DIAPH2: variants seen among roughly 807,000 people sequenced by gnomAD.
DIAPH2 encodes protein diaphanous homolog 2.
Under a neutral mutation model 92.7 loss-of-function variants are expected in DIAPH2, and 35 were observed. That is an observed-to-expected ratio of 0.38 (90% CI 0.29 to 0.50). The LOEUF (loss-of-function observed/expected upper bound fraction) is 0.50, where lower values mean the gene tolerates loss of function less well. DIAPH2 is among the 20% of genes least tolerant of loss of function. The pLI, the probability that DIAPH2 is intolerant of heterozygous loss-of-function variation, is 0.94. For missense variants in DIAPH2, 701 were observed against 819.5 expected, an observed-to-expected ratio of 0.86 and a Z score of 1.77; for synonymous variants, 301 against 280.4, an observed-to-expected ratio of 1.07 and a Z score of -0.73.
At chrX:97,038,039 C>A (rs928549063) in intron 17 of DIAPH2, among the ~76,000 whole-genome samples, 1 of 111,043 alleles carries the variant, frequency 9.0e-6, no homozygotes, top group Admixed American at 9.6e-5. Context: ...TCTCCAGTGT[C>A]GATTATCCCA....
chrX:97,130,604 G>A (rs1432755997), intron 21 of DIAPH2, among the ~76,000 whole-genome samples: 1 of 111,777 alleles, frequency 8.9e-6, no homozygotes, highest in Non-Finnish European at 1.9e-5. Flanking sequence ...TGGGGGATAA[G>A]GCAGATGGGG....
At chrX:97,032,964 G>C (rs1316602707) in intron 17 of DIAPH2, among the ~76,000 whole-genome samples, 1 of 110,916 alleles carries the variant, frequency 9.0e-6, no homozygotes, top group Non-Finnish European at 1.9e-5. Flanking sequence ...CTACTCAAAG[G>C]ACTATAATTC....
At chrX:97,239,169 A>AT (rs1440783560) in intron 22 of DIAPH2, among the ~76,000 whole-genome samples, 3 of 111,528 alleles carry the variant, frequency 2.7e-5, no homozygotes, top group East Asian at 5.6e-4. Context: ...GAATACTGTG[A>AT]TTTTTTTTCT....
chrX:97,582,373 C>CA (rs2071446317), intron 26 of DIAPH2, among the ~76,000 whole-genome samples: 1 of 79,273 alleles, frequency 1.3e-5, no homozygotes, highest in South Asian at 8.3e-4. Flanking sequence ...CTGGTGGTGA[C>CA]AAAATCTCTC....
At chrX:97,353,991 T>G (rs2069242080) in intron 24 of DIAPH2, among the ~76,000 whole-genome samples, 2 of 110,757 alleles carry the variant, frequency 1.8e-5, no homozygotes, top group Admixed American at 1.9e-4. Flanking sequence ...AATTTTTAAT[T>G]TTTAATAGAG....
In DIAPH2 at chrX:97,559,662, G is replaced by A. The variant is rs1369080882; in HGVS notation, c.3242-39591G>A. Reference sequence around the variant, plus strand: ...GTTCACTTTTCGTTTCTACGTACACGGTAGACATGGTAAATATCTGTTGAA... The same window carrying A: ...GTTCACTTTTCGTTTCTACGTACACAGTAGACATGGTAAATATCTGTTGAA... On this transcript the variant is annotated intron_variant, in intron 26 of 26. Transcript: ENST00000324765. Among the ~76,000 whole-genome samples, 7 of 111,593 alleles carry A rather than the reference G, an allele frequency of 6.3e-5. No homozygotes were observed. In the East Asian group the frequency reaches 2.0e-3, roughly 31 times the overall value.
intron 23 of DIAPH2, among the ~76,000 whole-genome samples, chrX:97,275,708 T>G (rs753806359): frequency 1.0e-5 from 1 of 96,629 alleles, no homozygotes; most frequent in African/African-American, 4.1e-5. Context: ...ACTCCCCACA[T>G]CTCAGACGAT....
At chrX:97,279,036 T>G (rs1403786424) in intron 23 of DIAPH2, among the ~76,000 whole-genome samples, 5 of 112,164 alleles carry the variant, frequency 4.5e-5, no homozygotes, top group Admixed American at 9.6e-5. Context: ...TTCTGAAATT[T>G]GATCATCTGC....
intron 24 of DIAPH2, among the ~76,000 whole-genome samples, chrX:97,379,763 G>A (rs891368523): frequency 1.8e-5 from 2 of 111,701 alleles, no homozygotes; most frequent in African/African-American, 3.3e-5. Context: ...ATGAAAGTAA[G>A]GAATTGTTTG....
chrX:97,502,186 C>T (rs958122615), intron 26 of DIAPH2, among the ~76,000 whole-genome samples: 5 of 112,017 alleles, frequency 4.5e-5, no homozygotes, highest in East Asian at 2.8e-4. Context: ...TTGCTTTCTT[C>T]GCAGCATGAG....
intron 4 of DIAPH2, among the ~76,000 whole-genome samples, chrX:96,867,234 T>G (rs1401974789): frequency 2.7e-5 from 3 of 111,623 alleles, no homozygotes; most frequent in African/African-American, 6.5e-5. Flanking sequence ...GTTTTGTTTT[T>G]TTTAGACGGA....
intron 4 of DIAPH2, among the ~76,000 whole-genome samples, chrX:96,796,041 G>A (rs1042026618): frequency 8.9e-6 from 1 of 112,094 alleles, no homozygotes; most frequent in Non-Finnish European, 1.9e-5. Flanking sequence ...ACTTGAGCAT[G>A]TGTGGATTTT....
At chrX:96,862,155 C>T (rs1293947462) in intron 4 of DIAPH2, among the ~76,000 whole-genome samples, 1 of 111,835 alleles carries the variant, frequency 8.9e-6, no homozygotes, top group Non-Finnish European at 1.9e-5. Flanking sequence ...CTTTGGTTTA[C>T]TACCATATCC....
intron 23 of DIAPH2, among the ~76,000 whole-genome samples, chrX:97,288,776 G>A (rs2068566669): frequency 9.2e-6 from 1 of 108,596 alleles, no homozygotes; most frequent in African/African-American, 3.3e-5. Context: ...CACTCTAAGA[G>A]CACTTTCTCA....
intron 23 of DIAPH2, among the ~76,000 whole-genome samples, chrX:97,319,363 G>T (rs1032240643): frequency 9.1e-5 from 10 of 110,028 alleles, no homozygotes; most frequent in African/African-American, 3.3e-4. Context: ...GAATCAGAAC[G>T]TTAAAGTACT....
At chrX:97,421,569 A>G (rs1051814876) in intron 25 of DIAPH2, among the ~76,000 whole-genome samples, 2 of 111,887 alleles carry the variant, frequency 1.8e-5, no homozygotes, top group Non-Finnish European at 3.8e-5. Context: ...TCACAAAACA[A>G]TTTTGCGTTT....
chrX:97,025,394 G>A (rs1159279254), intron 17 of DIAPH2, among the ~76,000 whole-genome samples: 1 of 109,428 alleles, frequency 9.1e-6, no homozygotes, highest in Admixed American at 9.8e-5. Flanking sequence ...GCTCAAGCCT[G>A]TAATCCCAGC....
chrX:97,467,920 A>T (rs754924982), intron 26 of DIAPH2, among the ~76,000 whole-genome samples: 1 of 111,626 alleles, frequency 9.0e-6, no homozygotes, highest in African/African-American at 3.3e-5. Flanking sequence ...TTTGGAGGCC[A>T]TGCCAGTTTA....
intron 1 of DIAPH2, among the ~76,000 whole-genome samples, chrX:96,717,697 T>G (rs1215877019): frequency 9.6e-6 from 1 of 104,226 alleles, no homozygotes; most frequent in East Asian, 3.0e-4. Context: ...TTTATCACAC[T>G]GGCTTTCAGT....
Sources: allele counts gnomAD v4.1 joint callset (sites outside exome capture counted in the v4.1 genomes callset), GRCh38; gene constraint gnomAD v4.1.1; transcripts MANE v1.5; gene names NCBI Gene and HGNC (gene_info 2026-07-23, HGNC 2026-07-21).